CAMTA1: variants seen among roughly 807,000 people sequenced by gnomAD.
CAMTA1 encodes calmodulin-binding transcription activator 1.
Under a neutral mutation model 170.9 loss-of-function variants are expected in CAMTA1, and 27 were observed. The ratio of observed to expected loss-of-function variants is 0.16; its 90% CI spans 0.12 to 0.22. The LOEUF (loss-of-function observed/expected upper bound fraction) is 0.22. CAMTA1 is among the 10% of genes least tolerant of loss of function. CAMTA1 has a pLI of 1.00. For missense variants in CAMTA1, 1,619 were observed against 2,217.2 expected, an observed-to-expected ratio of 0.73 and a Z score of 5.42; for synonymous variants, 833 against 891.5, an observed-to-expected ratio of 0.93 and a Z score of 1.17.
chr1:6,812,897 A>G (rs772611748), intron 1 of CAMTA1, among the ~76,000 whole-genome samples: 1 of 152,052 alleles, frequency 6.6e-6, no homozygotes, highest in African/African-American at 2.4e-5. Flanking sequence ...TTGCTTTTGA[A>G]CTCAATTCTA....
chr1:6,886,145 A>G (rs867356001), intron 3 of CAMTA1: 2 of 449,202 alleles, frequency 4.5e-6, no homozygotes, highest in South Asian at 1.6e-5. Context: ...GGATGGGGGA[A>G]GTGACAGTGG....
chr1:6,889,140 A>G (rs1328211659), intron 3 of CAMTA1, among the ~76,000 whole-genome samples: 1 of 152,236 alleles, frequency 6.6e-6, no homozygotes, highest in African/African-American at 2.4e-5. Flanking sequence ...AGTTCCTTTT[A>G]AATAAAAGCA....
intron 5 of CAMTA1, among the ~76,000 whole-genome samples, chr1:7,310,696 C>CTTTCTT (rs756201552): frequency 1.4e-4 from 6 of 43,628 alleles, no homozygotes; most frequent in African/African-American, 6.9e-4. Context: ...CTCTCTCTCT[C>CTTTCTT]TCTCTCTTTC....
intron 6 of CAMTA1, among the ~76,000 whole-genome samples, chr1:7,515,712 G>A (rs565013313): frequency 3.9e-5 from 6 of 152,132 alleles, no homozygotes; most frequent in South Asian, 2.1e-4. Context: ...CCCCTCCTTC[G>A]TCCCCTGCTA....
intron 22 of CAMTA1, among the ~76,000 whole-genome samples, chr1:7,765,513 G>A (rs867738681): frequency 6.6e-6 from 1 of 152,110 alleles, no homozygotes; most frequent in East Asian, 1.9e-4. Context: ...TATCAGTATC[G>A]CACCCTATGG....
chr1:7,276,303 A>ATATATATATATATTTT, intron 5 of CAMTA1, among the ~76,000 whole-genome samples: 6 of 24,226 alleles, frequency 2.5e-4, no homozygotes, highest in South Asian at 2.4e-3. Context: ...ATATATATAT[A>ATATATATATATATTTT]TTTTTTTTTT....
chr1:7,587,636 GA>G (rs568925738), intron 6 of CAMTA1, among the ~76,000 whole-genome samples: 79 of 152,214 alleles, frequency 5.2e-4, no homozygotes, highest in Admixed American at 1.2e-3. Context: ...GGTTGAGGGG[GA>G]TATGCTCCTT....
At chr1:7,375,406 C>T (rs2086769790) in intron 5 of CAMTA1, among the ~76,000 whole-genome samples, 1 of 152,198 alleles carries the variant, frequency 6.6e-6, no homozygotes, top group African/African-American at 2.4e-5. Flanking sequence ...ATCACCTCAC[C>T]AGGCAGGAGC....
chr1:7,698,074 A>ACCCCCCCCCCCCCCCCCCCCCCCC (rs55893283), intron 11 of CAMTA1, among the ~76,000 whole-genome samples: 1 of 98,586 alleles, frequency 1.0e-5, no homozygotes, highest in Admixed American at 1.0e-4. Flanking sequence ...ACGCACTGTG[A>ACCCCCCCCCCCCCCCCCCCCCCCC]CCCCCCCCCC....
At chr1:7,119,032 G>A (rs75589776) in intron 4 of CAMTA1, among the ~76,000 whole-genome samples, 3,004 of 152,226 alleles carry the variant, frequency 0.02, 94 homozygotes, top group African/African-American at 0.068. Flanking sequence ...TGTATTTCCC[G>A]GATACCCGTG....
intron 6 of CAMTA1, among the ~76,000 whole-genome samples, chr1:7,590,569 G>A (rs187910504): frequency 1.3e-5 from 2 of 152,340 alleles, no homozygotes; most frequent in South Asian, 2.1e-4. Context: ...ACAGCTGGAG[G>A]TGCCCCCACC....
At chr1:7,453,120 A>G (rs2092868364) in intron 5 of CAMTA1, among the ~76,000 whole-genome samples, 1 of 152,214 alleles carries the variant, frequency 6.6e-6, no homozygotes, top group Non-Finnish European at 1.5e-5. Flanking sequence ...AGCTTTGGAG[A>G]GTCCGAGCTC....
intron 18 of CAMTA1, among the ~76,000 whole-genome samples, 159 bp from the exon 19 acceptor site, chr1:7,747,551 A>G (rs1312111208): frequency 6.6e-6 from 1 of 152,248 alleles, no homozygotes; most frequent in African/African-American, 2.4e-5. Context: ...GGTTTATTCT[A>G]TAAATTCATT....
chr1:7,580,176 G>A lies in CAMTA1; in HGVS notation c.511-60224G>A, dbSNP rs557685698. Among the ~76,000 whole-genome samples the A allele has an allele frequency of 3.3e-5, 5 of 152,370 alleles. No homozygotes were observed. The highest frequency in any genetic ancestry group is 2.1e-4 in the South Asian group (1 of 4,828). On this transcript the variant is annotated intron_variant, in intron 6 of 22. Coordinates refer to ENST00000303635, the MANE Select transcript of CAMTA1 (RefSeq NM_015215.4). The surrounding 1 kb of genome is among the most constrained non-coding windows in gnomAD (Gnocchi z 4.3). The stretch of plus-strand genomic sequence containing the variant: ...ACACTGGTATGTGAACTGAGGCAGC[G>A]GGAAGAGCTCCTGGCCAAGGTCTTT...
chr1:7,116,087 A>C (rs974060671), intron 4 of CAMTA1, among the ~76,000 whole-genome samples: 5 of 152,060 alleles, frequency 3.3e-5, no homozygotes, highest in African/African-American at 1.2e-4. Context: ...ATCAACCCTC[A>C]TGCCCTCCTG....
intron 3 of CAMTA1, among the ~76,000 whole-genome samples, chr1:6,978,961 G>A (rs940396337): frequency 6.6e-5 from 10 of 152,256 alleles, no homozygotes; most frequent in South Asian, 2.1e-4. Context: ...TGGATGCATC[G>A]TGAACAGGCA....
intron 4 of CAMTA1, among the ~76,000 whole-genome samples, chr1:7,223,634 G>A (rs1661205210): frequency 6.6e-6 from 1 of 152,054 alleles, no homozygotes. Flanking sequence ...TTGCAAAGAG[G>A]GATGAATATG....
intron 4 of CAMTA1, among the ~76,000 whole-genome samples, chr1:7,168,683 C>A (rs1010950479): frequency 1.3e-5 from 2 of 152,336 alleles, no homozygotes; most frequent in Admixed American, 6.5e-5. Context: ...GGATTACAGG[C>A]GTGAGCTACT....
At chr1:6,903,835 G>T (rs1271591108) in intron 3 of CAMTA1, among the ~76,000 whole-genome samples, 1 of 152,204 alleles carries the variant, frequency 6.6e-6, no homozygotes, top group Non-Finnish European at 1.5e-5. Context: ...GAACGGTGTG[G>T]ACAAAGGATT....
Sources: allele counts gnomAD v4.1 joint callset (sites outside exome capture counted in the v4.1 genomes callset), GRCh38; gene constraint gnomAD v4.1.1; non-coding constraint Gnocchi (gnomAD v3.1); transcripts MANE v1.5; gene names NCBI Gene and HGNC (gene_info 2026-07-23, HGNC 2026-07-21).